Variants in LIN28B observed in about 807,000 individuals in gnomAD.
LIN28B encodes the protein protein lin-28 homolog B.
A neutral mutation model predicts 21.9 loss-of-function variants in LIN28B; 5 were observed. The observed-to-expected ratio is 0.23, with a 90% CI of 0.12 to 0.48. The LOEUF (loss-of-function observed/expected upper bound fraction) is 0.48. Among genes scored for constraint, LIN28B ranks in the 20% least tolerant of loss-of-function variants. The pLI is 0.98. For missense variants in LIN28B, 245 were observed against 310.5 expected, an observed-to-expected ratio of 0.79 and a Z score of 1.58; for synonymous variants, 109 against 111.3, an observed-to-expected ratio of 0.98 and a Z score of 0.13.
intron 2 of LIN28B, among the ~76,000 whole-genome samples, chr6:105,025,677 A>T (rs1042682253): frequency 1.3e-5 from 2 of 152,132 alleles, no homozygotes; most frequent in Non-Finnish European, 2.9e-5. Context: ...AGCTACTCAG[A>T]AGGCTGAGGC....
intron 2 of LIN28B, among the ~76,000 whole-genome samples, chr6:104,949,621 G>T (rs1778196846): frequency 6.6e-6 from 1 of 152,188 alleles, no homozygotes; most frequent in African/African-American, 2.4e-5. Flanking sequence ...GTTAAGGAAA[G>T]ACAACTCTGG....
chr6:104,949,270 GCT>G (rs1457343372), intron 2 of LIN28B, among the ~76,000 whole-genome samples: 1 of 152,136 alleles, frequency 6.6e-6, no homozygotes. Context: ...GTAAAGGAAA[GCT>G]CTGTTTCATT....
At chr6:105,063,799 C>T (rs1018701378) in intron 3 of LIN28B, among the ~76,000 whole-genome samples, 1 of 151,672 alleles carries the variant, frequency 6.6e-6, no homozygotes, top group Non-Finnish European at 1.5e-5. Context: ...CTATGAATAA[C>T]CCCTGCAGTC....
chr6:104,962,378 G>T (rs1158432886), intron 2 of LIN28B, among the ~76,000 whole-genome samples: 1 of 151,588 alleles, frequency 6.6e-6, no homozygotes, highest in East Asian at 1.9e-4. Flanking sequence ...TACAAGTATT[G>T]GTGTTTTCTT....
At chr6:104,953,102 CCGA>C (rs1363394145), upstream of LIN28B, among the ~76,000 whole-genome samples, 1 of 152,246 alleles carries the variant, frequency 6.6e-6, no homozygotes, top group East Asian at 1.9e-4. Context: ...GACAGTTTGC[CCGA>C]CGGGCGGGTC....
rs191615899 is a variant in LIN28B at position 105,005,608 on chromosome 6, T to G, written c.199-20690T>G. On this transcript the variant is annotated intron_variant, in intron 2 of 3. Coordinates refer to ENST00000345080, the MANE Select transcript of LIN28B (RefSeq NM_001004317.4). Reference sequence around the variant, plus strand: ...GTGTGTGGCACTCGTCCCTTGGCTCTCTCTCTCTCTCTCTGCTGCTGCCAT... The same window carrying G: ...GTGTGTGGCACTCGTCCCTTGGCTCGCTCTCTCTCTCTCTGCTGCTGCCAT... Among the ~76,000 whole-genome samples the G allele has an allele frequency of 7.6e-4, 116 of 151,906 alleles. 1 individual carries two copies. The highest frequency in any genetic ancestry group is 2.7e-3 in the African/African-American group (112 of 41,500).
In LIN28B at chr6:105,082,191, G is replaced by T. The variant is rs1408859035; in HGVS notation, c.*3408G>T. The T allele has an allele frequency of 6.6e-6, 1 of 152,606 alleles. No individual in the cohort carries two copies. Among genetic ancestry groups the T allele is most frequent in the South Asian group, 2.1e-4 (1 of 4,824 alleles). 9.5% of individuals were successfully genotyped at this position (152,606 alleles called of 1,614,324 possible). A position where few individuals can be genotyped will look rare whatever the true frequency, so the allele number is the denominator to read the frequency against. On this transcript the variant is annotated 3_prime_UTR_variant, in exon 4 of 4. Coordinates refer to ENST00000345080, the MANE Select transcript of LIN28B (RefSeq NM_001004317.4). ...TTTTTGCAGTTGAAAGATTTAGAAA[G>T]ATTTTTACCTGCTTATAACTTGGAA...
chr6:104,990,272 T>C (rs1215167255), intron 2 of LIN28B, among the ~76,000 whole-genome samples: 1 of 151,512 alleles, frequency 6.6e-6, no homozygotes, highest in African/African-American at 2.4e-5. Context: ...AAAGAATGTA[T>C]ATTCTGCAGT....
At chr6:104,963,236 C>T (rs1013341012) in intron 2 of LIN28B, among the ~76,000 whole-genome samples, 6 of 151,962 alleles carry the variant, frequency 3.9e-5, no homozygotes, top group South Asian at 4.1e-4. Flanking sequence ...TTAGTAGAGA[C>T]GGGGTTTCAC....
chr6:105,051,841 G>A (rs1163161264), intron 3 of LIN28B, among the ~76,000 whole-genome samples: 1 of 152,170 alleles, frequency 6.6e-6, no homozygotes, highest in African/African-American at 2.4e-5. Flanking sequence ...CCAGGGTCTT[G>A]ACGTCCTGGA....
intron 2 of LIN28B, among the ~76,000 whole-genome samples, chr6:104,991,238 C>G (rs1387731418): frequency 6.6e-6 from 1 of 151,100 alleles, no homozygotes; most frequent in Non-Finnish European, 1.5e-5. Flanking sequence ...GGGGGCTGCC[C>G]CCTGCCTCCC....
intron 3 of LIN28B, among the ~76,000 whole-genome samples, chr6:105,041,532 T>C (rs1771636615): frequency 6.6e-6 from 1 of 152,194 alleles, no homozygotes; most frequent in African/African-American, 2.4e-5. Flanking sequence ...TAGGTTTTTT[T>C]TGTTATTTTC....
chr6:104,942,443 G>A (rs530837029), intron 2 of LIN28B, among the ~76,000 whole-genome samples: 3 of 152,198 alleles, frequency 2.0e-5, no homozygotes, highest in South Asian at 4.1e-4. Context: ...AGCTTTCAGG[G>A]AAGATTTGAA....
upstream of LIN28B, among the ~76,000 whole-genome samples, chr6:104,953,670 A>T (rs899959236): frequency 2.0e-5 from 3 of 152,170 alleles, no homozygotes; most frequent in Non-Finnish European, 2.9e-5. Flanking sequence ...CAGAGGCAGG[A>T]GGTGGAGGGA....
intron 2 of LIN28B, among the ~76,000 whole-genome samples, chr6:105,005,963 T>A (rs1770809072): frequency 6.6e-6 from 1 of 152,252 alleles, no homozygotes; most frequent in East Asian, 1.9e-4. Flanking sequence ...CATAGATGCA[T>A]TATAATCTTT....
intron 2 of LIN28B, chr6:104,950,413 A>G: frequency 9.7e-7 from 1 of 1,032,220 alleles, no homozygotes; most frequent in Non-Finnish European, 1.2e-6. Flanking sequence ...AGAAGAGGCA[A>G]TTAAATAGGC....
intron 3 of LIN28B, among the ~76,000 whole-genome samples, chr6:105,066,604 G>A (rs1772224908): frequency 6.6e-6 from 1 of 152,090 alleles, no homozygotes; most frequent in Non-Finnish European, 1.5e-5. Context: ...GTGATAAAAT[G>A]TGAGCTAGTC....
At chr6:105,063,632 T>C (rs1772165455) in intron 3 of LIN28B, among the ~76,000 whole-genome samples, 3 of 91,688 alleles carry the variant, frequency 3.3e-5, no homozygotes, top group Admixed American at 1.4e-4. Flanking sequence ...CAAGACTCCA[T>C]CTCGGGGGGG....
rs556805315 is a variant in LIN28B at position 105,059,362 on chromosome 6, C to G, written c.384-19052C>G. On this transcript the variant is annotated intron_variant, in intron 3 of 3. Transcript: ENST00000345080. Reference sequence around the variant, plus strand: ...TTTCCTGAAAGCTTTGGCTGCAGTTCTTGTTTCACTCTTCACATTTTGCTA... The same window carrying G: ...TTTCCTGAAAGCTTTGGCTGCAGTTGTTGTTTCACTCTTCACATTTTGCTA... Among the ~76,000 whole-genome samples, 5 of 152,190 alleles carry G rather than the reference C, an allele frequency of 3.3e-5. No individual in the cohort carries two copies. In the East Asian group the frequency reaches 9.6e-4, roughly 29 times the overall value.
Sources: allele counts gnomAD v4.1 joint callset (sites outside exome capture counted in the v4.1 genomes callset), GRCh38; gene constraint gnomAD v4.1.1; transcripts MANE v1.5; gene names NCBI Gene and HGNC (gene_info 2026-07-23, HGNC 2026-07-21).